Variants in CUL9 observed in about 807,000 individuals in gnomAD.
CUL9 encodes the protein cullin-9.
In CUL9, 79 loss-of-function variants were observed where a neutral mutation model predicts 272.6. The observed-to-expected ratio is 0.29, with a 90% CI of 0.24 to 0.35. CUL9 has a LOEUF of 0.35. Ranked by LOEUF, CUL9 falls within the 10% of genes least tolerant of loss-of-function variation. The pLI is 1.00. For missense variants in CUL9, 2,532 were observed against 3,255.6 expected (o/e 0.78, Z 5.41); for synonymous variants, 1,186 against 1,286.5 (o/e 0.92, Z 1.67).
At chr6:43,188,876 C>T (rs904115961) in intron 8 of CUL9, 161 bp downstream of exon 8, 15 of 583,024 alleles carry the variant, frequency 2.6e-5, no homozygotes, top group Non-Finnish European at 4.5e-5. Flanking sequence ...TTTAATGGCT[C>T]GTATTCTTGG....
rs373322119 is a variant in CUL9 at position 43,203,497 on chromosome 6, G to A, written c.3930G>A (p.Leu1310=). The change falls in exon 19 of 41, where the codon CTG becomes CTA. Residue 1310 remains leucine (L), a synonymous_variant. Coordinates refer to ENST00000252050, the MANE Select transcript of CUL9 (RefSeq NM_015089.4). The surrounding 1 kb of genome is among the most constrained non-coding windows in gnomAD (Gnocchi z 5.0). ...PTFWPLFREQ[L]CRRTCLFYTI... ...TCTGGCCACTGTTCCGGGAGCAGCT[G>A]TGTCGCCGAACATGTCTCTTCTACA... is the stretch of plus-strand genomic sequence containing the variant. 2.8e-5 allele frequency: 45 copies of A among 1,614,090 alleles called. No individual in the cohort carries two copies. The highest frequency in any genetic ancestry group is 3.8e-5 in the Non-Finnish European group (45 of 1,180,052).
intron 26 of CUL9, among the ~76,000 whole-genome samples, chr6:43,210,392 G>A (rs1342544318): frequency 6.6e-6 from 1 of 152,124 alleles, no homozygotes; most frequent in Non-Finnish European, 1.5e-5. Context: ...ACTTCCCAAG[G>A]CTTTACACCC....
Position 43,205,231 on chromosome 6 carries a change from T to C in CUL9, c.4633-32T>C, listed in dbSNP as rs1212900271. On this transcript the variant is annotated intron_variant, in intron 23 of 40. Coordinates refer to ENST00000252050, the MANE Select transcript of CUL9 (RefSeq NM_015089.4). Reference sequence around the variant, plus strand: ...GTCTCCTACTCCACTCCCTCATTCATGGTTTGCTCATGCCCTTTCCCCTGC... The same window carrying C: ...GTCTCCTACTCCACTCCCTCATTCACGGTTTGCTCATGCCCTTTCCCCTGC... The C allele has an allele frequency of 2.5e-6, 4 of 1,606,178 alleles. No homozygotes were observed. In the Admixed American group the frequency reaches 6.7e-5, roughly 27 times the overall value.
rs1047805930 is a variant in CUL9, at chr6:43,193,064, C to T, written c.2244C>T (p.Val748=). 7.4e-6 allele frequency: 12 copies of T among 1,614,048 alleles called. No individual in the cohort carries two copies. Among genetic ancestry groups the T allele is most frequent in the African/African-American group, 5.3e-5 (4 of 74,926 alleles). The change falls in exon 9 of 41, where the codon GTC becomes GTT. Residue 748 remains valine (V), a synonymous_variant. Coordinates refer to ENST00000252050, the MANE Select transcript of CUL9 (RefSeq NM_015089.4). ...ACCAGGTGGGAGAGAAGATGGTGGT[C>T]GTGCAGGCCCTGCGCCTCCTTTACC... ...LTNQVGEKMV[V]VQALRLLYLL...
At position 43,199,423 on chromosome 6, in the gene CUL9, C is replaced by A; in HGVS notation, c.3156+52C>A. The A allele has an allele frequency of 7.0e-7, 1 of 1,425,564 alleles. No homozygotes were observed. The highest frequency in any genetic ancestry group is 9.9e-7 in the Non-Finnish European group (1 of 1,010,860). The allele number at this position is 1,425,564 out of a possible 1,614,324, so 88.3% of individuals were successfully genotyped here. A position where few individuals can be genotyped will look rare whatever the true frequency, so the allele number is the denominator to read the frequency against. ...GAGGGAAGGGCAGCATCTGGGGCACCAACTCCTTGTGAGGCTCTGGAGGGC... is the reference window on the plus strand; with the variant it reads ...GAGGGAAGGGCAGCATCTGGGGCACAAACTCCTTGTGAGGCTCTGGAGGGC... On this transcript the variant is annotated intron_variant, in intron 13 of 40. Transcript: ENST00000252050. The surrounding 1 kb of genome is among the most constrained non-coding windows in gnomAD (Gnocchi z 4.4).
At position 43,200,556 on chromosome 6, in the gene CUL9, T is replaced by C. The variant is rs758048293; in HGVS notation, c.3475+30T>C. On this transcript the variant is annotated intron_variant, in intron 15 of 40. Coordinates refer to ENST00000252050, the MANE Select transcript of CUL9 (RefSeq NM_015089.4). This position sits in a 1 kb window ranked among gnomAD's most constrained non-coding sequence, Gnocchi z 4.0. The stretch of plus-strand genomic sequence containing the variant: ...GTGCCCTCATCTGCTTTCTCCTGGC[T>C]CCCATCCAGTGTCTGTTCTCCCCTT... The C allele has an allele frequency of 6.2e-7, 1 of 1,614,100 alleles. No homozygotes were observed. Among genetic ancestry groups the C allele is most frequent in the Non-Finnish European group, 8.5e-7 (1 of 1,179,990 alleles).
rs372203322 is a variant in CUL9 at position 43,205,332 on chromosome 6, G to T, written c.4702G>T (p.Val1568Leu). The change falls in exon 24 of 41, where the codon GTG (valine) becomes TTG (leucine). Residue 1568 changes from valine to leucine, a missense_variant. Val to Leu is a conservative substitution (Grantham distance 32). This residue lies in a region of CUL9 where 2,218 missense variants were observed against 2,788.6 expected (regional missense o/e 0.80). Transcript: ENST00000252050. ...TGGCCTGATTGGTGGAGCCCCTGGA[G>T]TGGAAATGCTGGGGCAGCTTCAGCG... ...QGGLIGGAPG[V>L]EMLGQLQRHL... The T allele has an allele frequency of 6.2e-7, 1 of 1,614,102 alleles. No homozygotes were observed. The highest frequency in any genetic ancestry group is 8.5e-7 in the Non-Finnish European group (1 of 1,180,046).
At chr6:43,193,692 C>T (rs908977577) in intron 9 of CUL9, among the ~76,000 whole-genome samples, 2 of 152,086 alleles carry the variant, frequency 1.3e-5, no homozygotes, top group African/African-American at 4.8e-5. Flanking sequence ...GCATGAGCCA[C>T]CGTGCCCAGC....
At position 43,220,958 on chromosome 6, in the gene CUL9, C is replaced by T. The variant is rs1356956847; in HGVS notation, c.6588+47C>T. The T allele has an allele frequency of 1.2e-5, 18 of 1,534,472 alleles. No homozygotes were observed. The East Asian group carries it at 4.1e-4, about 35-fold the overall frequency. On this transcript the variant is annotated intron_variant, in intron 33 of 40. Transcript: ENST00000252050. The surrounding 1 kb of genome is among the most constrained non-coding windows in gnomAD (Gnocchi z 4.9). ...TGACCCTGAGCAAGGATTCACACTCCTTCCCTGCTTAATATCCCCACCCCG... is the reference window on the plus strand; with the variant it reads ...TGACCCTGAGCAAGGATTCACACTCTTTCCCTGCTTAATATCCCCACCCCG...
chr6:43,220,455 C>G lies in CUL9; in HGVS notation c.6283-4C>G, dbSNP rs780059133. ...TGAGCAGCCCCTCCTTTTGTCCCTC[C>G]CAGTCTTGCTGGAATGAGTACCTGA... On this transcript the variant is annotated splice_polypyrimidine_tract_variant and splice_region_variant and intron_variant, in intron 31 of 40. Coordinates refer to ENST00000252050, the MANE Select transcript of CUL9 (RefSeq NM_015089.4). This position sits in a 1 kb window ranked among gnomAD's most constrained non-coding sequence, Gnocchi z 4.9. 2.2e-5 allele frequency: 36 copies of G among 1,613,910 alleles called. No homozygotes were observed. The highest frequency in any genetic ancestry group is 5.3e-5 in the African/African-American group (4 of 74,908).
Position 43,222,360 on chromosome 6 carries a change from T to C in CUL9, c.6891T>C (p.Asn2297=), listed in dbSNP as rs1776437665. 1.9e-6 allele frequency: 3 copies of C among 1,610,722 alleles called. No homozygotes were observed. Among genetic ancestry groups the C allele is most frequent in the South Asian group, 2.2e-5 (2 of 91,018 alleles). ...ARQEKRFQDY[N]ERCTFHHQAR... is the part of the protein sequence containing the mutation. The stretch of plus-strand genomic sequence containing the variant: ...AGGAGAAGCGGTTTCAGGACTATAA[T>C]GAGAGGTGCACTTTCCATCACCAGG... The change falls in exon 36 of 41, where the codon AAT becomes AAC. Residue 2297 remains asparagine (N), a synonymous_variant. Coordinates refer to ENST00000252050, the MANE Select transcript of CUL9 (RefSeq NM_015089.4).
chr6:43,213,735 T>A lies in CUL9; in HGVS notation c.5511T>A (p.Pro1837=). The A allele has an allele frequency of 6.2e-7, 1 of 1,613,570 alleles. No homozygotes were observed. Among genetic ancestry groups the A allele is most frequent in the Non-Finnish European group, 8.5e-7 (1 of 1,179,968 alleles). ...CAGGTGTGCTGCGGCTTCATGAGCC[T>A]GGGCCCCAGCGCAGTGGGGAGGCCC... The part of the protein sequence containing the change: ...PHGGVLRLHE[P]GPQRSGEALW... The change falls in exon 29 of 41, where the codon CCT becomes CCA. Residue 1837 remains proline, a synonymous_variant. Coordinates refer to ENST00000252050, the MANE Select transcript of CUL9 (RefSeq NM_015089.4). This position sits in a 1 kb window ranked among gnomAD's most constrained non-coding sequence, Gnocchi z 5.7.
In CUL9 at chr6:43,188,544, G is replaced by A; in HGVS notation, c.2009G>A (p.Gly670Asp). The A allele has an allele frequency of 6.2e-7, 1 of 1,611,754 alleles. No individual in the cohort carries two copies. The highest frequency in any genetic ancestry group is 8.5e-7 in the Non-Finnish European group (1 of 1,178,830). ...AASEMARALRGPGPRSSLDQH... is the reference protein window; with the variant it reads ...AASEMARALRDPGPRSSLDQH... ...TCAGAAATGGCCAGAGCCTTGCGGG[G>A]TCCCGGTCCTCGCAGCTCCCTGGAT... The change falls in exon 8 of 41, where the codon GGT becomes GAT. Residue 670 changes from glycine to aspartate, a missense_variant. Gly to Asp is a moderately conservative substitution (Grantham distance 94). Transcript: ENST00000252050.
At chr6:43,214,817 C>T (rs1335324330) in intron 29 of CUL9, among the ~76,000 whole-genome samples, 2 of 151,556 alleles carry the variant, frequency 1.3e-5, no homozygotes, top group African/African-American at 2.4e-5. Context: ...AAGAGAGAAA[C>T]TTAGTAACTA....
chr6:43,190,535 G>A (rs1773369635), intron 8 of CUL9, among the ~76,000 whole-genome samples: 1 of 152,012 alleles, frequency 6.6e-6, no homozygotes, highest in Admixed American at 6.5e-5. Flanking sequence ...ATTCAAGTGA[G>A]ATTGACAGAA....
Position 43,184,635 on chromosome 6 carries a change from G to A in CUL9, c.325G>A (p.Glu109Lys), listed in dbSNP as rs548294417. ...TCCTCGAGATCCAGGAGGCCTGGAT[G>A]AAGTGGCAATGGGAGAGATGGAGGC... is the stretch of plus-strand genomic sequence containing the variant. The part of the protein sequence containing the change: ...SFPRDPGGLD[E>K]VAMGEMEADV... Residue 109 changes from glutamate (E) to lysine (K), a missense_variant, in exon 2 of 41, where the codon GAA becomes AAA. Coordinates refer to ENST00000252050, the MANE Select transcript of CUL9 (RefSeq NM_015089.4). The surrounding 1 kb of genome is among the most constrained non-coding windows in gnomAD (Gnocchi z 4.8). The A allele has an allele frequency of 9.3e-6, 15 of 1,611,838 alleles. No homozygotes were observed. The South Asian group carries it at 1.6e-4, about 18-fold the overall frequency.
Position 43,197,013 on chromosome 6 carries a change from G to T in CUL9, c.2803+151G>T. The T allele has an allele frequency of 4.6e-6, 3 of 655,480 alleles. No homozygotes were observed. The South Asian group carries it at 5.8e-5, about 13-fold the overall frequency. The allele number at this position is 655,480 out of a possible 1,614,324, so 40.6% of individuals were successfully genotyped here. A position where few individuals can be genotyped will look rare whatever the true frequency, so the allele number is the denominator to read the frequency against. On this transcript the variant is annotated intron_variant, in intron 11 of 40. Transcript: ENST00000252050. ...GTCTTAAGTAGAACTTCCCGACCAA[G>T]AAGAGGGAGACTGTGGAATATGTGC...
chr6:43,223,157 T>C lies in CUL9; in HGVS notation c.7151-107T>C, dbSNP rs751958882. ...TCCCCTAGGGAGCTTCATGAGAATG[T>C]CTAGAGCTGCACCTGGTGCTTGGTA... On this transcript the variant is annotated intron_variant, in intron 38 of 40. Transcript: ENST00000252050. This position sits in a 1 kb window ranked among gnomAD's most constrained non-coding sequence, Gnocchi z 4.1. 54 of 1,432,422 alleles carry C rather than the reference T, an allele frequency of 3.8e-5. No individual in the cohort carries two copies. The highest frequency in any genetic ancestry group is 4.5e-5 in the Non-Finnish European group (48 of 1,066,608). 88.7% of individuals were successfully genotyped at this position (1,432,422 alleles called of 1,614,324 possible). A position where few individuals can be genotyped will look rare whatever the true frequency, so the allele number is the denominator to read the frequency against.
chr6:43,197,970 A>C (rs189484082), intron 11 of CUL9, among the ~76,000 whole-genome samples: 51 of 152,312 alleles, frequency 3.3e-4, no homozygotes, highest in African/African-American at 1.1e-3. Context: ...GCCAGGTGCA[A>C]TAGCTCATGC....
Sources: allele counts gnomAD v4.1 joint callset (sites outside exome capture counted in the v4.1 genomes callset), GRCh38; gene constraint gnomAD v4.1.1; regional missense constraint gnomAD v4.1.1; non-coding constraint Gnocchi (gnomAD v3.1); transcripts MANE v1.5; gene names NCBI Gene and HGNC (gene_info 2026-07-23, HGNC 2026-07-21).